Variants in ERC1 observed in about 807,000 individuals in gnomAD.
The protein encoded by ERC1 is RAB6 interacting protein 2.
A neutral mutation model predicts 132.0 loss-of-function variants in ERC1; 56 were observed. That is an observed-to-expected ratio of 0.42 (90% confidence interval 0.34 to 0.53). The LOEUF is 0.53. Among genes scored for constraint, ERC1 ranks in the 20% least tolerant of loss-of-function variants. The pLI is 0.03. For missense variants in ERC1, 1,202 were observed against 1,349.9 expected (o/e 0.89, Z 1.72); for synonymous variants, 478 against 476.1 (o/e 1.00, Z -0.05).
At chr12:1,282,520 A>G (rs933575312) in intron 14 of ERC1, among the ~76,000 whole-genome samples, 3 of 152,208 alleles carry the variant, frequency 2.0e-5, no homozygotes, top group African/African-American at 7.2e-5. Context: ...AAGAATTACC[A>G]TGAGTTGGCA....
chr12:1,063,892 T>C (rs1938555594), intron 2 of ERC1, among the ~76,000 whole-genome samples: 3 of 152,244 alleles, frequency 2.0e-5, no homozygotes, highest in Admixed American at 2.0e-4. Context: ...TATACTTTTA[T>C]GTGTTTTCGT....
chr12:1,418,623 CTTTCTT>C lies in ERC1; in HGVS notation c.3024+10378_3024+10383del, dbSNP rs1565395817. 5.6e-4 allele frequency among the ~76,000 whole-genome samples: 70 copies of C among 125,970 alleles called. 1 individual carries two copies. The highest frequency in any genetic ancestry group is 2.6e-3 in the African/African-American group (64 of 24,762). 82.6% of individuals were successfully genotyped at this position (125,970 alleles called of 152,430 possible). A position where few individuals can be genotyped will look rare whatever the true frequency, so the allele number is the denominator to read the frequency against. On this transcript the variant is annotated intron_variant, in intron 17 of 18. Coordinates refer to ENST00000360905, the MANE Select transcript of ERC1 (RefSeq NM_178040.4). ...TCTTTCTTTCTTTCTTTCTTTCTTTCTTTCTTTCTTTCTTTCTTTCTCTCTCTCTCT... is the reference window on the plus strand; with the variant it reads ...TCTTTCTTTCTTTCTTTCTTTCTTTCTCTTTCTTTCTTTCTCTCTCTCTCT...
intron 14 of ERC1, among the ~76,000 whole-genome samples, chr12:1,288,198 CA>C (rs1446436548): frequency 3.3e-4 from 50 of 152,286 alleles, no homozygotes; most frequent in South Asian, 8.3e-4. Context: ...AAAATGGAAT[CA>C]ATGGTATATG....
chr12:1,156,103 A>G (rs1279187730), intron 8 of ERC1, among the ~76,000 whole-genome samples: 3 of 152,112 alleles, frequency 2.0e-5, no homozygotes, highest in Non-Finnish European at 4.4e-5. Flanking sequence ...ACATTTTAAT[A>G]TCATCTTATA....
intron 15 of ERC1, among the ~76,000 whole-genome samples, chr12:1,311,372 G>A (rs2081291426): frequency 6.6e-6 from 1 of 152,144 alleles, no homozygotes; most frequent in African/African-American, 2.4e-5. Flanking sequence ...AGTGTTAGAG[G>A]TATGAGATCA....
intron 12 of ERC1, among the ~76,000 whole-genome samples, chr12:1,223,270 G>A (rs1017997708): frequency 3.9e-5 from 6 of 152,178 alleles, no homozygotes; most frequent in Non-Finnish European, 8.8e-5. Flanking sequence ...CATAATAGTT[G>A]TGATCTAATA....
At chr12:1,098,511 G>C (rs1944310568) in intron 3 of ERC1, among the ~76,000 whole-genome samples, 1 of 152,208 alleles carries the variant, frequency 6.6e-6, no homozygotes, top group African/African-American at 2.4e-5. Context: ...TGTTGACTTG[G>C]TTGTGGGAAA....
At chr12:1,255,459 C>T (rs1566398870) in intron 13 of ERC1, among the ~76,000 whole-genome samples, 5 of 151,866 alleles carry the variant, frequency 3.3e-5, no homozygotes, top group African/African-American at 7.3e-5. Context: ...GGGGTATATA[C>T]CCAGTAATGG....
chr12:1,209,485 A>G (rs998525253), intron 12 of ERC1, among the ~76,000 whole-genome samples: 2 of 150,686 alleles, frequency 1.3e-5, no homozygotes, highest in African/African-American at 2.5e-5. Flanking sequence ...AGATGTTCCT[A>G]TAGTATGGAC....
intron 15 of ERC1, among the ~76,000 whole-genome samples, chr12:1,363,037 T>C (rs529717399): frequency 1.5e-4 from 23 of 152,336 alleles, no homozygotes; most frequent in Non-Finnish European, 2.9e-4. Context: ...TTGGTGAGTT[T>C]GTCAAGCTAC....
intron 18 of ERC1, among the ~76,000 whole-genome samples, chr12:1,445,673 T>C (rs943989478): frequency 2.0e-5 from 3 of 152,214 alleles, no homozygotes; most frequent in Non-Finnish European, 4.4e-5. Context: ...TGAACAGATA[T>C]TTGGAATTAC....
At chr12:1,231,081 T>C (rs971150495) in intron 12 of ERC1, among the ~76,000 whole-genome samples, 1 of 152,188 alleles carries the variant, frequency 6.6e-6, no homozygotes, top group Non-Finnish European at 1.5e-5. Flanking sequence ...TAAGGCCATT[T>C]TGTTGTTCTC....
At chr12:1,084,075 G>A (rs954263396) in intron 3 of ERC1, among the ~76,000 whole-genome samples, 2 of 152,176 alleles carry the variant, frequency 1.3e-5, no homozygotes, top group African/African-American at 4.8e-5. Flanking sequence ...TAAAAGATAC[G>A]TGATAAAAAT....
At chr12:1,040,383 G>A (rs1969993663) in intron 2 of ERC1, among the ~76,000 whole-genome samples, 2 of 146,746 alleles carry the variant, frequency 1.4e-5, no homozygotes, top group Admixed American at 7.0e-5. Flanking sequence ...GTGCAGTGGC[G>A]CAATACTCCG....
intron 7 of ERC1, among the ~76,000 whole-genome samples, chr12:1,127,013 A>AC (rs1383261251): frequency 6.8e-6 from 1 of 146,798 alleles, no homozygotes; most frequent in Non-Finnish European, 1.5e-5. Flanking sequence ...AAAAAAAAAA[A>AC]CCTCAAAAAT....
At chr12:1,183,739 G>A (rs1025111393) in intron 11 of ERC1, among the ~76,000 whole-genome samples, 1 of 152,166 alleles carries the variant, frequency 6.6e-6, no homozygotes, top group African/African-American at 2.4e-5. Context: ...CTTCTGCCAG[G>A]TGTGGTAACT....
intron 15 of ERC1, among the ~76,000 whole-genome samples, chr12:1,300,722 A>G (rs912377533): frequency 2.6e-5 from 4 of 152,346 alleles, no homozygotes; most frequent in East Asian, 3.9e-4. Flanking sequence ...ACTGATTATT[A>G]GATAAAATGC....
chr12:1,077,258 A>G (rs1373579263), intron 2 of ERC1, among the ~76,000 whole-genome samples: 1 of 152,158 alleles, frequency 6.6e-6, no homozygotes, highest in East Asian at 1.9e-4. Context: ...TAGACTACAT[A>G]GTTCTGTTAT....
intron 17 of ERC1, among the ~76,000 whole-genome samples, chr12:1,409,897 C>A (rs2091742389): frequency 6.6e-6 from 1 of 151,978 alleles, no homozygotes; most frequent in Admixed American, 6.6e-5. Flanking sequence ...TAGTTAGAGA[C>A]AGGGTTTCAC....
Sources: allele counts gnomAD v4.1 joint callset (sites outside exome capture counted in the v4.1 genomes callset), GRCh38; gene constraint gnomAD v4.1.1; transcripts MANE v1.5; gene names NCBI Gene and HGNC (gene_info 2026-07-23, HGNC 2026-07-21).